ACACA: variants seen among roughly 807,000 people sequenced by gnomAD.
The protein encoded by ACACA is acetyl-CoA carboxylase alpha.
Under a neutral mutation model 296.1 loss-of-function variants are expected in ACACA, and 103 were observed. The observed-to-expected ratio is 0.35, with a 90% CI of 0.30 to 0.41. ACACA has a LOEUF of 0.41. Ranked by LOEUF, ACACA falls within the 10% of genes least tolerant of loss-of-function variation. The probability of loss-of-function intolerance (pLI) is 1.00; values close to 1 mark genes in which losing one functional copy is unlikely to be tolerated. For missense variants in ACACA, 1,554 were observed against 2,989.7 expected (o/e 0.52, Z 11.20); for synonymous variants, 953 against 1,038.6 (o/e 0.92, Z 1.58).
intron 41 of ACACA, among the ~76,000 whole-genome samples, chr17:37,175,574 C>T (rs2077081597): frequency 6.6e-6 from 1 of 152,252 alleles, no homozygotes; most frequent in Admixed American, 6.5e-5. Flanking sequence ...CAGTGCCCAT[C>T]ACTGTACCAA....
At chr17:37,164,216 G>A (rs2076576517) in intron 41 of ACACA, among the ~76,000 whole-genome samples, 2 of 151,910 alleles carry the variant, frequency 1.3e-5, no homozygotes, top group South Asian at 4.1e-4. Flanking sequence ...CACCTCATTG[G>A]GGAGCTGGCC....
At chr17:37,323,123 C>T (rs1201593934) in intron 3 of ACACA, among the ~76,000 whole-genome samples, 1 of 152,266 alleles carries the variant, frequency 6.6e-6, no homozygotes, top group Non-Finnish European at 1.5e-5. Flanking sequence ...TCGCAGACAC[C>T]ACCCCAAGAT....
At chr17:37,389,326 G>A in intron 1 of ACACA, 2 of 1,594,526 alleles carry the variant, frequency 1.3e-6, no homozygotes, top group Admixed American at 3.5e-5. Flanking sequence ...AGCCACCTGG[G>A]ACAGCTGAAT....
At chr17:37,127,158 C>T (rs761810932) in intron 47 of ACACA, among the ~76,000 whole-genome samples, 10 of 152,084 alleles carry the variant, frequency 6.6e-5, no homozygotes, top group Non-Finnish European at 1.2e-4. Flanking sequence ...CAGGATAATG[C>T]CCACCTACAC....
At chr17:37,252,265 T>G (rs569845357) in intron 15 of ACACA, among the ~76,000 whole-genome samples, 157 bp from the exon 16 acceptor site, 4 of 152,292 alleles carry the variant, frequency 2.6e-5, no homozygotes, top group Admixed American at 6.5e-5. Context: ...AATGAACACA[T>G]TCACTTTTAG....
intron 1 of ACACA, among the ~76,000 whole-genome samples, chr17:37,380,280 T>TG (rs2050188165): frequency 1.6e-5 from 1 of 60,674 alleles, no homozygotes; most frequent in African/African-American, 7.7e-5. Context: ...TGTTGTGGGG[T>TG]GGGGGGAGGG....
intron 29 of ACACA, among the ~76,000 whole-genome samples, chr17:37,215,174 A>G (rs2078927721): frequency 6.6e-6 from 1 of 152,208 alleles, no homozygotes; most frequent in Non-Finnish European, 1.5e-5. Context: ...TTGAATTAAA[A>G]CATTATAACA....
intron 1 of ACACA, among the ~76,000 whole-genome samples, chr17:37,346,517 C>T (rs565872448): frequency 1.5e-4 from 23 of 151,458 alleles, no homozygotes; most frequent in African/African-American, 3.4e-4. Flanking sequence ...CTGGCTAACA[C>T]GGTGAAACCC....
rs1288311935 is a variant in ACACA, at chr17:37,288,012, G to A, written c.339-3042C>T. Among the ~76,000 whole-genome samples, 3 of 152,148 alleles carry A rather than the reference G, an allele frequency of 2.0e-5. No homozygotes were observed. The East Asian group carries it at 5.8e-4, about 29-fold the overall frequency. ...TAAGAGGCACCTTATAGAAAAAGAGGCCCACAAGGAGAATGATTTGTCTAA... is the reference window on the plus strand; with the variant it reads ...TAAGAGGCACCTTATAGAAAAAGAGACCCACAAGGAGAATGATTTGTCTAA... On this transcript the variant is annotated intron_variant, in intron 3 of 55. Transcript: ENST00000616317.
At chr17:37,134,002 A>C (rs1204393941) in intron 45 of ACACA, among the ~76,000 whole-genome samples, 1 of 152,244 alleles carries the variant, frequency 6.6e-6, no homozygotes. Context: ...AGCCTCATCC[A>C]GTACTTCATT....
intron 37 of ACACA, 97 bp downstream of exon 37, chr17:37,191,993 T>C: frequency 8.2e-7 from 1 of 1,220,534 alleles, no homozygotes; most frequent in Admixed American, 2.0e-5. Flanking sequence ...TTTTTTTATG[T>C]TCTCTCTCAG....
intron 9 of ACACA, among the ~76,000 whole-genome samples, chr17:37,273,378 T>A (rs1343106756): frequency 6.6e-6 from 1 of 152,208 alleles, no homozygotes; most frequent in Non-Finnish European, 1.5e-5. Flanking sequence ...GGGGAAAGGA[T>A]CTCCTTTTGC....
chr17:37,229,088 G>A (rs1293994032), intron 25 of ACACA, among the ~76,000 whole-genome samples: 7 of 149,764 alleles, frequency 4.7e-5, no homozygotes, highest in Non-Finnish European at 7.4e-5. Flanking sequence ...AGCTTGCAGT[G>A]AGCCGAGATC....
chr17:37,373,183 C>T (rs1391355319), intron 1 of ACACA, among the ~76,000 whole-genome samples: 2 of 151,952 alleles, frequency 1.3e-5, no homozygotes, highest in African/African-American at 2.4e-5. Context: ...CCGGCCTACT[C>T]CTGGATATTT....
At position 37,185,765 on chromosome 17, in the gene ACACA, C is replaced by T. The variant is rs537009799; in HGVS notation, c.4776+2512G>A. Among the ~76,000 whole-genome samples the T allele has an allele frequency of 4.6e-3, 690 of 149,964 alleles. 3 individuals are homozygous for T. Among genetic ancestry groups the T allele is most frequent in the African/African-American group, 0.016 (657 of 40,680 alleles). On this transcript the variant is annotated intron_variant, in intron 39 of 55. Transcript: ENST00000616317. ...TGTATTTTTAGTAGAGACAGGCTTT[C>T]ACCTTGTTGGTCAGGCTGGTCTCGA...
At chr17:37,352,909 GT>G (rs1850037843) in intron 1 of ACACA, among the ~76,000 whole-genome samples, 1 of 152,156 alleles carries the variant, frequency 6.6e-6, no homozygotes, top group African/African-American at 2.4e-5. Context: ...ATCCTATGCA[GT>G]TTTAGGGAGG....
intron 33 of ACACA, among the ~76,000 whole-genome samples, chr17:37,203,258 C>T (rs188584690): frequency 1.3e-5 from 2 of 152,086 alleles, no homozygotes; most frequent in East Asian, 3.9e-4. Flanking sequence ...CTGCGCCTGG[C>T]TGAAAATGTC....
intron 55 of ACACA, 79 bp from the exon 56 acceptor site, chr17:37,087,518 A>AAAC: frequency 6.4e-7 from 1 of 1,552,174 alleles, no homozygotes; most frequent in African/African-American, 1.4e-5. Flanking sequence ...ACTGCCCAAT[A>AAAC]AACATGTGTG....
chr17:37,180,176 A>G (rs1298799394), intron 40 of ACACA, among the ~76,000 whole-genome samples: 1 of 152,114 alleles, frequency 6.6e-6, no homozygotes, highest in Non-Finnish European at 1.5e-5. Context: ...TTAGAATGTG[A>G]TTTATATTAT....
Sources: gnomAD v4.1 joint callset for allele counts (sites outside exome capture counted in the v4.1 genomes callset) on GRCh38, gnomAD v4.1.1 for gene constraint, MANE v1.5 for transcripts, NCBI Gene and HGNC (gene_info 2026-07-23, HGNC 2026-07-21) for gene names.